The following NDUFA10 variants were observed in gnomAD, a reference collection of about 807,000 sequenced individuals.
The protein encoded by NDUFA10 is NADH dehydrogenase [ubiquinone] 1 alpha subcomplex subunit 10, mitochondrial.
In NDUFA10, 40 loss-of-function variants were observed where a neutral mutation model predicts 47.8. That is an observed-to-expected ratio of 0.84 (90% CI 0.65 to 1.09). The LOEUF is 1.09. Ranked by LOEUF, NDUFA10 falls within the 50% of genes least tolerant of loss-of-function variation. The probability of loss-of-function intolerance (pLI) is 0.00; values close to 1 mark genes in which losing one functional copy is unlikely to be tolerated. For synonymous variants in NDUFA10, 183 were observed against 172.2 expected, an observed-to-expected ratio of 1.06 and a Z score of -0.49; for missense variants, 413 against 451.1, an observed-to-expected ratio of 0.92 and a Z score of 0.76.
At chr2:239,981,452 A>G (rs1227700548) in intron 9 of NDUFA10, among the ~76,000 whole-genome samples, 1 of 152,244 alleles carries the variant, frequency 6.6e-6, no homozygotes, top group Non-Finnish European at 1.5e-5. Flanking sequence ...GGAATTACCA[A>G]CAAGGAATAA....
At chr2:239,968,349 T>C (rs1695169734) in intron 9 of NDUFA10, among the ~76,000 whole-genome samples, 2 of 152,330 alleles carry the variant, frequency 1.3e-5, no homozygotes, top group South Asian at 4.1e-4. Flanking sequence ...TTCAGCTTTG[T>C]GGTCTTAAAG....
At chr2:239,932,715 G>A (rs775863408) in intron 4 of NDUFA10, among the ~76,000 whole-genome samples, 10 of 152,112 alleles carry the variant, frequency 6.6e-5, no homozygotes, top group Non-Finnish European at 1.3e-4. Flanking sequence ...GAGTAGCTGG[G>A]ACTACAGGCA....
At chr2:240,000,401 C>T (rs926442187) in intron 8 of NDUFA10, among the ~76,000 whole-genome samples, 12 of 151,586 alleles carry the variant, frequency 7.9e-5, no homozygotes, top group Admixed American at 3.9e-4. Flanking sequence ...ACAACAACAA[C>T]AACAAAAGTT....
chr2:239,893,667 G>A (rs1173402118), intron 5 of NDUFA10, among the ~76,000 whole-genome samples: 1 of 152,146 alleles, frequency 6.6e-6, no homozygotes, highest in Non-Finnish European at 1.5e-5. Flanking sequence ...CCATTCATGA[G>A]GACCTGATCA....
intron 9 of NDUFA10, chr2:239,969,694 C>G (rs1176285416): frequency 2.1e-6 from 1 of 471,320 alleles, no homozygotes; most frequent in African/African-American, 2.0e-5. Flanking sequence ...CTCCCCGATC[C>G]TTCAAAGGTG....
intron 4 of NDUFA10, among the ~76,000 whole-genome samples, chr2:239,897,719 C>T (rs1166751068): frequency 6.6e-6 from 1 of 152,284 alleles, no homozygotes; most frequent in East Asian, 1.9e-4. Context: ...ACTGCCTGTC[C>T]CCAGGCCTAA....
In NDUFA10 at chr2:239,959,625, G is replaced by A. The variant is rs1694765732; in HGVS notation, c.*1493C>T. The A allele has an allele frequency of 4.1e-6, 4 of 986,002 alleles. No individual in the cohort carries two copies. The highest frequency in any genetic ancestry group is 1.1e-4 in the East Asian group (1 of 8,808). The allele number at this position is 986,002 out of a possible 1,614,324, so 61.1% of individuals were successfully genotyped here. On this transcript the variant is annotated 3_prime_UTR_variant, in exon 10 of 10. Transcript: ENST00000252711. Reference sequence around the variant, plus strand: ...ATTTTCAAATTCTTAAAACAAGGAAGGAGGCAGGGAGGAAGGGAAGGGAGG... The same window carrying A: ...ATTTTCAAATTCTTAAAACAAGGAAAGAGGCAGGGAGGAAGGGAAGGGAGG...
rs1243109838 is a variant in NDUFA10, at chr2:239,959,451, G to A, written c.*1667C>T. On this transcript the variant is annotated 3_prime_UTR_variant, in exon 10 of 10. Coordinates refer to ENST00000252711, the MANE Select transcript of NDUFA10 (RefSeq NM_004544.4). ...CTTTCCTCCCCTCCACAATGGGTTTGTGAAGTGCTCAGAGCAAAAGACACT... is the reference window on the plus strand; with the variant it reads ...CTTTCCTCCCCTCCACAATGGGTTTATGAAGTGCTCAGAGCAAAAGACACT... 1 of 985,372 alleles carries A rather than the reference G, an allele frequency of 1.0e-6. No individual in the cohort carries two copies. The highest frequency in any genetic ancestry group is 1.7e-5 in the African/African-American group (1 of 57,248). 61.0% of individuals were successfully genotyped at this position (985,372 alleles called of 1,614,324 possible).
At chr2:239,932,783 G>A (rs993955189) in intron 4 of NDUFA10, among the ~76,000 whole-genome samples, 19 of 151,846 alleles carry the variant, frequency 1.3e-4, no homozygotes, top group Middle Eastern at 3.4e-3. Flanking sequence ...GGGTTTCACC[G>A]TGTTAGCCAG....
intron 8 of NDUFA10, among the ~76,000 whole-genome samples, chr2:239,990,941 A>C (rs1696220596): frequency 6.6e-6 from 1 of 152,214 alleles, no homozygotes; most frequent in Admixed American, 6.5e-5. Context: ...TCTTTTCTTA[A>C]GGGCTCAAAA....
intron 9 of NDUFA10, among the ~76,000 whole-genome samples, chr2:239,965,496 T>A (rs1450893241): frequency 6.6e-6 from 1 of 152,162 alleles, no homozygotes. Flanking sequence ...CAAAGCCCGT[T>A]CCCTCGCAGG....
At chr2:239,993,129 G>C (rs1162617039) in intron 8 of NDUFA10, among the ~76,000 whole-genome samples, 1 of 152,158 alleles carries the variant, frequency 6.6e-6, no homozygotes, top group East Asian at 1.9e-4. Flanking sequence ...ACACTATGGG[G>C]GAATTACAGG....
At chr2:239,953,363 A>G (rs1482747409), downstream of NDUFA10, among the ~76,000 whole-genome samples, 5 of 152,168 alleles carry the variant, frequency 3.3e-5, no homozygotes, top group Non-Finnish European at 7.4e-5. Flanking sequence ...CCTTGATTGG[A>G]GGCCTCCTGG....
At chr2:240,001,875 C>T (rs1178434269) in intron 8 of NDUFA10, among the ~76,000 whole-genome samples, 10 of 152,114 alleles carry the variant, frequency 6.6e-5, no homozygotes, top group African/African-American at 1.2e-4. Flanking sequence ...TCTGGTCGGT[C>T]GCCCTGTCAA....
chr2:239,944,650 G>A (rs970238752), intron 4 of NDUFA10, among the ~76,000 whole-genome samples: 3 of 152,180 alleles, frequency 2.0e-5, no homozygotes, highest in Non-Finnish European at 4.4e-5. Context: ...GTCTTCCAAG[G>A]AAACAAAATC....
intron 9 of NDUFA10, among the ~76,000 whole-genome samples, chr2:239,963,405 G>A (rs1301634308): frequency 3.3e-5 from 5 of 152,166 alleles, no homozygotes; most frequent in African/African-American, 7.2e-5. Context: ...CAGGAAGACC[G>A]CAAGAGAGGG....
At chr2:239,898,314 ACAGCACTCAGGAGGTGCT>A (rs1464906335) in intron 4 of NDUFA10, among the ~76,000 whole-genome samples, 3 of 152,232 alleles carry the variant, frequency 2.0e-5, no homozygotes, top group African/African-American at 7.2e-5. Context: ...CAAGTCCCTT[ACAGCACTCAGGAGGTGCT>A]CAGCCTGCGC....
intron 9 of NDUFA10, among the ~76,000 whole-genome samples, chr2:239,983,205 T>G (rs550521881): frequency 6.6e-6 from 1 of 152,246 alleles, no homozygotes; most frequent in East Asian, 1.9e-4. Flanking sequence ...GAAGCCAATC[T>G]AGAAAGCAGC....
intron 9 of NDUFA10, among the ~76,000 whole-genome samples, chr2:239,985,773 T>C (rs193079258): frequency 6.6e-6 from 1 of 152,128 alleles, no homozygotes. Context: ...TAGCTGGGCA[T>C]GGTGGCGCAT....
Sources: gnomAD v4.1 joint callset for allele counts (sites outside exome capture counted in the v4.1 genomes callset) on GRCh38, gnomAD v4.1.1 for gene constraint, MANE v1.5 for transcripts, NCBI Gene and HGNC (gene_info 2026-07-23, HGNC 2026-07-21) for gene names.